TULP2: variants seen among roughly 807,000 people sequenced by gnomAD.
TULP2 encodes the protein tubby-related protein 2.
TULP2 carries 64 observed loss-of-function variants against 60.3 expected under a neutral mutation model. The observed-to-expected ratio is 1.06, with a 90% CI of 0.87 to 1.31. The LOEUF is 1.31. Ranked by LOEUF, TULP2 falls within the 50% of genes most tolerant of loss-of-function variation. The pLI is 0.00. For synonymous variants in TULP2, 267 were observed against 265.4 expected (o/e 1.01, Z -0.06); for missense variants, 652 against 667.0 (o/e 0.98, Z 0.25).
intron 6 of TULP2, among the ~76,000 whole-genome samples, chr19:48,892,970 C>G (rs544013258): frequency 1.3e-5 from 2 of 151,768 alleles, no homozygotes; most frequent in Non-Finnish European, 2.9e-5. Context: ...TGAAGACACA[C>G]GGTGGCTCAC....
At position 48,896,469 on chromosome 19, in the gene TULP2, G is replaced by T. The variant is rs1352515660; in HGVS notation, c.172C>A (p.Arg58Ser). ...ANPDASPWLW[R>S]SCLREERLLG... ...AGGCGCTCCTCCCGCAGACAAGAGC[G>T]CCAAAGCCACGGGGAAGCGTCAGGA... The change falls in exon 4 of 13, where the codon CGC becomes AGC. Residue 58 changes from arginine (R) to serine (S), a missense_variant. By Grantham distance (110) the Arg-to-Ser change is moderately radical. Coordinates refer to ENST00000221399, the MANE Select transcript of TULP2 (RefSeq NM_003323.3). 3.7e-6 allele frequency: 6 copies of T among 1,611,034 alleles called. No homozygotes were observed. The South Asian group carries it at 5.5e-5, about 15-fold the overall frequency.
Position 48,897,383 on chromosome 19 carries a change from C to A in TULP2, c.46G>T (p.Glu16Ter). The A allele has an allele frequency of 6.2e-7, 1 of 1,613,778 alleles. No homozygotes were observed. Among genetic ancestry groups the A allele is most frequent in the South Asian group, 1.1e-5 (1 of 90,978 alleles). ...DTLMRDILGH[E>*]LAAMRLQKLE... is the part of the protein sequence containing the mutation. ...TTCTGCAGCCTCATAGCAGCGAGCT[C>A]ATGCCCCAGGATGCTGAGAGAGACA... is the stretch of plus-strand genomic sequence containing the variant. Residue 16 changes from glutamate to a stop codon, truncating the protein, a stop_gained, in exon 3 of 13, where the codon GAG becomes TAG. Coordinates refer to ENST00000221399, the MANE Select transcript of TULP2 (RefSeq NM_003323.3). LOFTEE classifies it high-confidence loss of function. This position sits in a 1 kb window ranked among gnomAD's most constrained non-coding sequence, Gnocchi z 4.0.
At chr19:48,896,309 C>T in intron 4 of TULP2, 121 bp downstream of exon 4, 9 of 1,367,160 alleles carry the variant, frequency 6.6e-6, no homozygotes, top group South Asian at 4.5e-5. Flanking sequence ...GGCCAAGGCC[C>T]GCCCCCATCC....
Position 48,881,263 on chromosome 19 carries a change from G to A in TULP2, c.1448-137C>T, listed in dbSNP as rs144238819. ...CTTGCTCTGTCGCCCAGGCTGGAGT[G>A]CAGTGACCTGATCTTGGCTCACTGC... On this transcript the variant is annotated intron_variant, in intron 12 of 12. Transcript: ENST00000221399. 1.2e-3 allele frequency: 675 copies of A among 547,240 alleles called. 7 individuals carry two copies. The highest frequency in any genetic ancestry group is 0.01 in the African/African-American group (497 of 49,206). The allele number at this position is 547,240 out of a possible 1,614,324, so 33.9% of individuals were successfully genotyped here.
chr19:48,898,130 C>G, intron 1 of TULP2: 1 of 202,920 alleles, frequency 4.9e-6, no homozygotes, highest in Non-Finnish European at 9.8e-6. Context: ...CGCTATTCTG[C>G]CTAATTTTTT....
chr19:48,882,553 G>T (rs2037144177), intron 11 of TULP2, among the ~76,000 whole-genome samples: 1 of 152,160 alleles, frequency 6.6e-6, no homozygotes, highest in South Asian at 2.1e-4. Context: ...CTGAACAAAG[G>T]AGACAGGGTC....
At chr19:48,892,249 C>A (rs2037239830) in intron 6 of TULP2, among the ~76,000 whole-genome samples, 1 of 152,240 alleles carries the variant, frequency 6.6e-6, no homozygotes, top group Admixed American at 6.5e-5. Context: ...TCGGGGAAAT[C>A]CTGGACAATG....
chr19:48,883,492 T>A (rs146316283), intron 11 of TULP2, among the ~76,000 whole-genome samples: 74 of 152,286 alleles, frequency 4.9e-4, no homozygotes, highest in African/African-American at 1.3e-3. Flanking sequence ...AAGAACCCTC[T>A]CTTGGAGTCT....
At chr19:48,896,359 A>T (rs1042763292) in intron 4 of TULP2, 71 bp downstream of exon 4, 3 of 1,495,340 alleles carry the variant, frequency 2.0e-6, no homozygotes, top group African/African-American at 3.0e-5. Flanking sequence ...CCCTTCATCC[A>T]CTAGGCCCCG....
chr19:48,885,515 T>C lies in TULP2; in HGVS notation c.994A>G (p.Asn332Asp). The change falls in exon 9 of 13, where the codon AAT (asparagine) becomes GAT (aspartate). Residue 332 changes from asparagine to aspartate, a missense_variant. Asn to Asp is a conservative substitution (Grantham distance 23, BLOSUM62 1). Coordinates refer to ENST00000221399, the MANE Select transcript of TULP2 (RefSeq NM_003323.3). ...GTAGGATCCAGGGAGATGAGGTAAT[T>C]AGAAGTTTTGCTCCTTCTTCTCTTT... ...GRKRRRSKTS[N>D]YLISLDPTHL... 1 of 1,613,966 alleles carries C rather than the reference T, an allele frequency of 6.2e-7. No individual in the cohort carries two copies. The highest frequency in any genetic ancestry group is 8.5e-7 in the Non-Finnish European group (1 of 1,179,944).
chr19:48,885,653 G>T, intron 8 of TULP2, 93 bp from the exon 9 acceptor site: 1 of 1,130,212 alleles, frequency 8.8e-7, no homozygotes. Flanking sequence ...GGAGGCTGCG[G>T]CGGGCAGATC....
At position 48,883,730 on chromosome 19, in the gene TULP2, AGATTCCTGATGTCAGG is replaced by A; in HGVS notation, c.1275+8_1275+23del. ...CCCAGCCCCTTCTCCATTGACCCAG[AGATTCCTGATGTCAGG>A]GACTCACATTTAGTGGCTGGACATT... On this transcript the variant is annotated splice_region_variant and intron_variant, in intron 11 of 12. Transcript: ENST00000221399. The A allele has an allele frequency of 6.2e-7, 1 of 1,613,024 alleles. No individual in the cohort carries two copies. The highest frequency in any genetic ancestry group is 8.5e-7 in the Non-Finnish European group (1 of 1,179,486).
At chr19:48,894,152 CCTCCGG>C (rs2037257372) in intron 6 of TULP2, among the ~76,000 whole-genome samples, 1 of 151,818 alleles carries the variant, frequency 6.6e-6, no homozygotes, top group Non-Finnish European at 1.5e-5. Flanking sequence ...CTTGCCTTGG[CCTCCGG>C]AGTATCTGGG....
intron 3 of TULP2, chr19:48,896,805 C>G (rs188143769): frequency 7.5e-5 from 31 of 415,488 alleles, no homozygotes; most frequent in Middle Eastern, 6.3e-4. Context: ...CTTCTAGAAG[C>G]CTTGTTCCTT....
intron 8 of TULP2, 100 bp downstream of exon 8, chr19:48,887,850 G>A: frequency 7.5e-7 from 1 of 1,328,722 alleles, no homozygotes; most frequent in Non-Finnish European, 1.0e-6. Flanking sequence ...GAGCCACTGT[G>A]CCCAGCCCCA....
At chr19:48,892,515 TGG>T (rs371148187) in intron 6 of TULP2, among the ~76,000 whole-genome samples, 86 of 134,288 alleles carry the variant, frequency 6.4e-4, no homozygotes, top group Non-Finnish European at 8.4e-4. Context: ...TTTTTTTTTT[TGG>T]GGGGGGGACG....
chr19:48,891,036 C>T (rs906887072), intron 6 of TULP2, among the ~76,000 whole-genome samples: 23 of 152,062 alleles, frequency 1.5e-4, no homozygotes, highest in Non-Finnish European at 2.9e-4. Flanking sequence ...ATTTTATGGC[C>T]GGGCACGGTG....
Position 48,896,450 on chromosome 19 carries a change from T to C in TULP2, c.191A>G (p.Glu64Gly). 6.2e-7 allele frequency: 1 copy of C among 1,609,250 alleles called. No homozygotes were observed. Among genetic ancestry groups the C allele is most frequent in the Non-Finnish European group, 8.5e-7 (1 of 1,178,418 alleles). ...PWLWRSCLRE[E>G]RLLGDRGLGN... ...GTCACCTCTGTCACCTAAAAGGCGC[T>C]CCTCCCGCAGACAAGAGCGCCAAAG... The change falls in exon 4 of 13, where the codon GAG (glutamate) becomes GGG (glycine). Residue 64 changes from glutamate to glycine, a missense_variant. Glu to Gly is a moderately conservative substitution (Grantham distance 98). Transcript: ENST00000221399.
chr19:48,889,670 G>A, intron 6 of TULP2, 39 bp from the exon 7 acceptor site: 2 of 1,544,636 alleles, frequency 1.3e-6, no homozygotes, highest in Non-Finnish European at 1.8e-6. Context: ...GATTGTTACT[G>A]TGTCTGTGTA....
Sources: allele counts gnomAD v4.1 joint callset (sites outside exome capture counted in the v4.1 genomes callset), GRCh38; gene constraint gnomAD v4.1.1; non-coding constraint Gnocchi (gnomAD v3.1); transcripts MANE v1.5; gene names NCBI Gene and HGNC (gene_info 2026-07-23, HGNC 2026-07-21).